The following THSD7A variants were observed in gnomAD, a reference collection of about 807,000 sequenced individuals.
The protein encoded by THSD7A is thrombospondin type-1 domain-containing protein 7A.
A neutral mutation model predicts 231.3 loss-of-function variants in THSD7A; 96 were observed. The observed-to-expected ratio is 0.41, with a 90% CI of 0.35 to 0.49. THSD7A has a LOEUF of 0.49. Among genes scored for constraint, THSD7A ranks in the 20% least tolerant of loss-of-function variants. The pLI is 0.05. For synonymous variants in THSD7A, 940 were observed against 743.3 expected (o/e 1.26, Z -4.30); for missense variants, 2,290 against 2,070.2 (o/e 1.11, Z -2.06).
intron 6 of THSD7A, among the ~76,000 whole-genome samples, chr7:11,533,810 A>G (rs2128320172): frequency 6.6e-6 from 1 of 152,292 alleles, no homozygotes; most frequent in South Asian, 2.1e-4. Flanking sequence ...ACAGGTTGAC[A>G]AGTGCAGCAA....
chr7:11,446,120 G>T lies in THSD7A; in HGVS notation c.3005C>A (p.Ala1002Glu). Reference sequence around the variant, plus strand: ...GCCATTTTGATCGTAGCATGCCATTGCTTGGTAACGATATCCTTGTCCGCA... The same window carrying T: ...GCCATTTTGATCGTAGCATGCCATTTCTTGGTAACGATATCCTTGTCCGCA... ...KECGQGYRYQ[A>E]MACYDQNGRL... is the part of the protein sequence containing the mutation. The change falls in exon 13 of 28, where the codon GCA becomes GAA. Residue 1002 changes from alanine (A) to glutamate (E), a missense_variant. Ala to Glu is a moderately radical substitution (Grantham distance 107). Coordinates refer to ENST00000423059, the MANE Select transcript of THSD7A (RefSeq NM_015204.3). This position sits in a 1 kb window ranked among gnomAD's most constrained non-coding sequence, Gnocchi z 4.0. 2 of 1,613,420 alleles carry T rather than the reference G, an allele frequency of 1.2e-6. No individual in the cohort carries two copies. Among genetic ancestry groups the T allele is most frequent in the Non-Finnish European group, 1.7e-6 (2 of 1,179,608 alleles).
At chr7:11,828,808 C>T (rs1251449706) in intron 1 of THSD7A, among the ~76,000 whole-genome samples, 1 of 152,040 alleles carries the variant, frequency 6.6e-6, no homozygotes, top group Non-Finnish European at 1.5e-5. Flanking sequence ...TGTATACACA[C>T]ATGTGTACAG....
intron 16 of THSD7A, among the ~76,000 whole-genome samples, chr7:11,419,033 T>G (rs73066784): frequency 6.6e-6 from 1 of 152,258 alleles, no homozygotes; most frequent in Non-Finnish European, 1.5e-5. Flanking sequence ...AGACAGGACA[T>G]TTCAGTGCTC....
intron 4 of THSD7A, among the ~76,000 whole-genome samples, chr7:11,586,716 G>C (rs1779925318): frequency 6.6e-6 from 1 of 152,114 alleles, no homozygotes; most frequent in African/African-American, 2.4e-5. Flanking sequence ...TTTAGCAATG[G>C]TGTGACTATT....
At chr7:11,626,061 T>G (rs553167914) in intron 2 of THSD7A, among the ~76,000 whole-genome samples, 1 of 152,260 alleles carries the variant, frequency 6.6e-6, no homozygotes, top group South Asian at 2.1e-4. Context: ...TTCAAGTTCA[T>G]GTGGAGGATG....
At chr7:11,787,207 C>T (rs892352105) in intron 1 of THSD7A, among the ~76,000 whole-genome samples, 10 of 151,914 alleles carry the variant, frequency 6.6e-5, no homozygotes, top group South Asian at 2.1e-4. Flanking sequence ...GGACTTTCAC[C>T]GCAAAAAAAT....
At position 11,424,745 on chromosome 7, in the gene THSD7A, C is replaced by G; in HGVS notation, c.3334G>C (p.Val1112Leu). 1.9e-6 allele frequency: 3 copies of G among 1,614,004 alleles called. No homozygotes were observed. Among genetic ancestry groups the G allele is most frequent in the Non-Finnish European group, 2.5e-6 (3 of 1,179,888 alleles). ...TCTCCACAGTTCTCCCGCATATTCACAAAGGTCACCTTGCAGATGCTCCAG... is the reference window on the plus strand; with the variant it reads ...TCTCCACAGTTCTCCCGCATATTCAGAAAGGTCACCTTGCAGATGCTCCAG... Reference protein sequence around the residue: ...EPWSICKVTFVNMRENCGEGV... With the variant: ...EPWSICKVTFLNMRENCGEGV... The change falls in exon 16 of 28, where the codon GTG becomes CTG. Residue 1112 changes from valine to leucine, a missense_variant. By Grantham distance (32) the Val-to-Leu change is conservative. Coordinates refer to ENST00000423059, the MANE Select transcript of THSD7A (RefSeq NM_015204.3).
In THSD7A at chr7:11,706,630, C is replaced by CAT. The variant is rs1396704406; in HGVS notation, c.191-69670_191-69669insAT. On this transcript the variant is annotated intron_variant, in intron 1 of 27. Transcript: ENST00000423059. Reference sequence around the variant, plus strand: ...ATTGACTAAAAATTTTAACAAGGTGCTTTTTTTTTTTTTTTTTTTTTTTTT... The same window carrying CAT: ...ATTGACTAAAAATTTTAACAAGGTGCATTTTTTTTTTTTTTTTTTTTTTTTTT... 3.0e-5 allele frequency among the ~76,000 whole-genome samples: 2 copies of CAT among 66,388 alleles called. 1 individual carries two copies. The highest frequency in any genetic ancestry group is 5.4e-5 in the Non-Finnish European group (2 of 36,884). 43.6% of individuals were successfully genotyped at this position (66,388 alleles called of 152,430 possible). A position where few individuals can be genotyped will look rare whatever the true frequency, so the allele number is the denominator to read the frequency against.
At chr7:11,570,662 A>G (rs966175075) in intron 4 of THSD7A, among the ~76,000 whole-genome samples, 2 of 152,218 alleles carry the variant, frequency 1.3e-5, no homozygotes, top group Non-Finnish European at 2.9e-5. Context: ...AATATTTTAC[A>G]TCATTCAAAG....
rs1253602699 is a variant in THSD7A at position 11,634,891 on chromosome 7, T to G, written c.1022+1239A>C. ...ACTATATCCTTTTCCAAAAACACTT[T>G]AAACCAGATTTCAAAATCTATGCAT... On this transcript the variant is annotated intron_variant, in intron 2 of 27. Coordinates refer to ENST00000423059, the MANE Select transcript of THSD7A (RefSeq NM_015204.3). This position sits in a 1 kb window ranked among gnomAD's most constrained non-coding sequence, Gnocchi z 4.1. Among the ~76,000 whole-genome samples, 1 of 151,866 alleles carries G rather than the reference T, an allele frequency of 6.6e-6. No individual in the cohort carries two copies. The highest frequency in any genetic ancestry group is 2.4e-5 in the African/African-American group (1 of 41,308).
At chr7:11,810,677 T>A (rs998484203) in intron 1 of THSD7A, among the ~76,000 whole-genome samples, 1 of 152,168 alleles carries the variant, frequency 6.6e-6, no homozygotes, top group Non-Finnish European at 1.5e-5. Flanking sequence ...CCATTCCAGA[T>A]GCCTTAATAT....
chr7:11,547,389 G>T (rs375344271), intron 4 of THSD7A, among the ~76,000 whole-genome samples: 27 of 152,268 alleles, frequency 1.8e-4, no homozygotes, highest in African/African-American at 6.5e-4. Context: ...CCAACTGTAC[G>T]CTATCTTAAG....
chr7:11,608,602 A>G (rs1406019395), intron 2 of THSD7A, among the ~76,000 whole-genome samples: 2 of 152,156 alleles, frequency 1.3e-5, no homozygotes, highest in African/African-American at 4.8e-5. Flanking sequence ...ATAGAACCTA[A>G]TCATAAAATG....
chr7:11,447,100 A>G, intron 12 of THSD7A, 130 bp downstream of exon 12: 2 of 897,928 alleles, frequency 2.2e-6, no homozygotes, highest in Non-Finnish European at 1.7e-6. Context: ...TGCCAGCTAA[A>G]TTTAAAATAT....
chr7:11,598,442 G>C (rs1780442821), intron 2 of THSD7A, among the ~76,000 whole-genome samples: 2 of 152,298 alleles, frequency 1.3e-5, no homozygotes, highest in South Asian at 4.1e-4. Flanking sequence ...TCATCGCCCA[G>C]TGGGCCCACG....
intron 23 of THSD7A, among the ~76,000 whole-genome samples, chr7:11,390,669 G>A (rs950683083): frequency 7.2e-5 from 11 of 152,170 alleles, no homozygotes; most frequent in African/African-American, 2.2e-4. Context: ...AGGGGAAGAG[G>A]CATTCTGGTT....
At chr7:11,504,577 G>A (rs1004340923) in intron 6 of THSD7A, among the ~76,000 whole-genome samples, 1 of 152,080 alleles carries the variant, frequency 6.6e-6, no homozygotes, top group African/African-American at 2.4e-5. Flanking sequence ...CTACAAAGTG[G>A]GGTTTTCCCT....
chr7:11,525,878 T>C (rs905244803), intron 6 of THSD7A, among the ~76,000 whole-genome samples: 1 of 152,158 alleles, frequency 6.6e-6, no homozygotes, highest in Non-Finnish European at 1.5e-5. Flanking sequence ...ACATTCTAAA[T>C]GTAACGTGTG....
rs143841019 is a variant in THSD7A at position 11,489,001 on chromosome 7, C to T, written c.1823-7019G>A. 7.2e-5 allele frequency among the ~76,000 whole-genome samples: 11 copies of T among 152,216 alleles called. No individual in the cohort carries two copies. The East Asian group carries it at 1.9e-3, about 27-fold the overall frequency. ...ATGCCCCAGATGGAGTTGTGCTCTG[C>T]CCTGTCTGCTCCCATAGCATTGCAG... is the stretch of plus-strand genomic sequence containing the variant. On this transcript the variant is annotated intron_variant, in intron 6 of 27. Coordinates refer to ENST00000423059, the MANE Select transcript of THSD7A (RefSeq NM_015204.3).
Sources: allele counts gnomAD v4.1 joint callset (sites outside exome capture counted in the v4.1 genomes callset), GRCh38; gene constraint gnomAD v4.1.1; non-coding constraint Gnocchi (gnomAD v3.1); transcripts MANE v1.5; gene names NCBI Gene and HGNC (gene_info 2026-07-23, HGNC 2026-07-21).